Variants in CRISPLD2 observed in about 807,000 individuals in gnomAD.
CRISPLD2 encodes cysteine-rich secretory protein LCCL domain-containing 2.
A neutral mutation model predicts 71.1 loss-of-function variants in CRISPLD2; 47 were observed. The observed-to-expected ratio is 0.66, with a 90% CI of 0.52 to 0.84. CRISPLD2 has a LOEUF of 0.84. CRISPLD2 is among the 40% of genes least tolerant of loss of function. The pLI, the probability that CRISPLD2 is intolerant of heterozygous loss-of-function variation, is 0.00. For synonymous variants in CRISPLD2, 317 were observed against 250.1 expected, an observed-to-expected ratio of 1.27 and a Z score of -2.52; for missense variants, 830 against 651.1, an observed-to-expected ratio of 1.27 and a Z score of -2.99.
At chr16:84,893,212 C>G (rs1035531105) in intron 14 of CRISPLD2, among the ~76,000 whole-genome samples, 1 of 152,096 alleles carries the variant, frequency 6.6e-6, no homozygotes, top group African/African-American at 2.4e-5. Flanking sequence ...GCCTTGGCAG[C>G]TCCTCTCTCT....
Position 84,829,411 on chromosome 16 carries a change from G to C in CRISPLD2, c.-74-9011G>C, listed in dbSNP as rs117679392. On this transcript the variant is annotated intron_variant, in intron 1 of 14. Coordinates refer to ENST00000262424, the MANE Select transcript of CRISPLD2 (RefSeq NM_031476.4). ...AGGGATCTGCCAGAGACACAAACGG[G>C]GGGAGTGGAGTACCCCTCCTTCCAG... 7.9e-3 allele frequency among the ~76,000 whole-genome samples: 1,197 copies of C among 152,306 alleles called. 6 individuals are homozygous for C. The highest frequency in any genetic ancestry group is 0.013 in the Admixed American group (195 of 15,310).
intron 13 of CRISPLD2, among the ~76,000 whole-genome samples, chr16:84,888,674 T>G (rs919504550): frequency 1.3e-5 from 2 of 152,198 alleles, no homozygotes; most frequent in East Asian, 3.9e-4. Context: ...GTCTGTCTGT[T>G]TCTTGGATAT....
intron 14 of CRISPLD2, 63 bp downstream of exon 14, chr16:84,889,426 C>T: frequency 6.5e-7 from 1 of 1,544,292 alleles, no homozygotes; most frequent in South Asian, 1.2e-5. Context: ...CTCAGGGGGC[C>T]TGGGAAGAGG....
intron 7 of CRISPLD2, 63 bp from the exon 8 acceptor site, chr16:84,868,788 G>T: frequency 7.7e-7 from 1 of 1,296,492 alleles, no homozygotes; most frequent in Non-Finnish European, 1.1e-6. Context: ...CTCAGCATGG[G>T]GAAGGGTCTT....
intron 13 of CRISPLD2, among the ~76,000 whole-genome samples, chr16:84,884,855 C>G (rs553013158): frequency 6.6e-6 from 1 of 152,326 alleles, no homozygotes; most frequent in African/African-American, 2.4e-5. Flanking sequence ...CAACCAGAAC[C>G]TCTTGGCAGC....
intron 8 of CRISPLD2, among the ~76,000 whole-genome samples, chr16:84,871,900 G>C (rs1267321993): frequency 2.0e-5 from 2 of 98,484 alleles, no homozygotes; most frequent in Non-Finnish European, 4.2e-5. Context: ...AAAAAAAAAA[G>C]ACTATGGTTG....
At chr16:84,846,525 A>G (rs902146328) in intron 3 of CRISPLD2, among the ~76,000 whole-genome samples, 4 of 152,052 alleles carry the variant, frequency 2.6e-5, no homozygotes, top group Admixed American at 2.0e-4. Flanking sequence ...AAGTGCGGGG[A>G]TTACAGGCAT....
chr16:84,867,878 C>T (rs974237945), intron 7 of CRISPLD2, among the ~76,000 whole-genome samples: 1 of 152,220 alleles, frequency 6.6e-6, no homozygotes, highest in African/African-American at 2.4e-5. Context: ...TGTCTGCCTT[C>T]ACCGCCCCAG....
At chr16:84,878,033 A>AC (rs2071535510) in intron 12 of CRISPLD2, among the ~76,000 whole-genome samples, 2 of 138,448 alleles carry the variant, frequency 1.4e-5, no homozygotes, top group Admixed American at 7.3e-5. Flanking sequence ...ACACGGTGAA[A>AC]CCCCGTCTCT....
intron 8 of CRISPLD2, 23 bp from the exon 9 acceptor site, chr16:84,872,419 T>G (rs1277338729): frequency 3.1e-6 from 5 of 1,605,582 alleles, no homozygotes; most frequent in Non-Finnish European, 4.3e-6. Flanking sequence ...TCTCTGAACA[T>G]CATTTTATTT....
At chr16:84,898,374 C>G (rs763595847) in intron 14 of CRISPLD2, among the ~76,000 whole-genome samples, 1 of 152,200 alleles carries the variant, frequency 6.6e-6, no homozygotes, top group African/African-American at 2.4e-5. Flanking sequence ...CCCGCTCCCC[C>G]ACCCTCTCTG....
At chr16:84,878,052 TACAAAA>T (rs2071535868) in intron 12 of CRISPLD2, among the ~76,000 whole-genome samples, 1 of 40,294 alleles carries the variant, frequency 2.5e-5, no homozygotes, top group African/African-American at 1.3e-4. Flanking sequence ...CTACTAAAAA[TACAAAA>T]AAAAAAAAAA....
chr16:84,877,662 C>T lies in CRISPLD2; in HGVS notation c.1229+152C>T, dbSNP rs559706702. On this transcript the variant is annotated intron_variant, in intron 12 of 14. Coordinates refer to ENST00000262424, the MANE Select transcript of CRISPLD2 (RefSeq NM_031476.4). ...GCCAGGAGTTCGTGACCAGCCTGGC[C>T]AACATGGTGAAACCCCATTTCTACT... 1.4e-3 allele frequency: 740 copies of T among 538,044 alleles called. 5 individuals are homozygous for T. The highest frequency in any genetic ancestry group is 0.013 in the African/African-American group (681 of 51,286). 33.3% of individuals were successfully genotyped at this position (538,044 alleles called of 1,614,324 possible).
intron 14 of CRISPLD2, among the ~76,000 whole-genome samples, chr16:84,897,813 C>T (rs2071719473): frequency 6.6e-6 from 1 of 152,176 alleles, no homozygotes. Flanking sequence ...GACGGGGTTT[C>T]GCCATGTTGG....
rs553491798 is a variant in CRISPLD2 at position 84,835,085 on chromosome 16, A to C, written c.-74-3337A>C. Reference sequence around the variant, plus strand: ...ATGAGGTGCTGGCCCTTTTATGGTTACTTTTCTTTTTTTAATTTTTTTGAG... The same window carrying C: ...ATGAGGTGCTGGCCCTTTTATGGTTCCTTTTCTTTTTTTAATTTTTTTGAG... On this transcript the variant is annotated intron_variant, in intron 1 of 14. Transcript: ENST00000262424. 9.4e-3 allele frequency among the ~76,000 whole-genome samples: 1,428 copies of C among 151,604 alleles called. 19 individuals carry two copies. The highest frequency in any genetic ancestry group is 0.032 in the East Asian group (166 of 5,134).
chr16:84,842,379 A>ACTTAT (rs1555559590), intron 2 of CRISPLD2: 3 of 133,568 alleles, frequency 2.2e-5, no homozygotes, highest in Non-Finnish European at 3.1e-5. Context: ...TTTCTTTCTT[A>ACTTAT]TTGTTTTTTT....
intron 14 of CRISPLD2, among the ~76,000 whole-genome samples, chr16:84,904,552 C>G (rs748017603): frequency 6.6e-4 from 100 of 151,484 alleles, no homozygotes; most frequent in Non-Finnish European, 1.2e-3. Flanking sequence ...CCACTGTACT[C>G]CAGCCTGGGC....
chr16:84,842,837 G>A (rs1056637849), intron 2 of CRISPLD2, among the ~76,000 whole-genome samples: 3 of 152,140 alleles, frequency 2.0e-5, no homozygotes, highest in Non-Finnish European at 2.9e-5. Context: ...TCCTCATGGG[G>A]CAGGGAGGCC....
intron 14 of CRISPLD2, among the ~76,000 whole-genome samples, chr16:84,893,491 C>T (rs1044279547): frequency 6.6e-6 from 1 of 152,234 alleles, no homozygotes; most frequent in Non-Finnish European, 1.5e-5. Flanking sequence ...GCATCATACA[C>T]TTAGGGAGCG....
Sources: allele counts gnomAD v4.1 joint callset (sites outside exome capture counted in the v4.1 genomes callset), GRCh38; gene constraint gnomAD v4.1.1; transcripts MANE v1.5; gene names NCBI Gene and HGNC (gene_info 2026-07-23, HGNC 2026-07-21).